DHRSX: variants seen among roughly 807,000 people sequenced by gnomAD.
DHRSX encodes the protein polyprenol dehydrogenase.
A neutral mutation model predicts 34.0 loss-of-function variants in DHRSX; 31 were observed. That is an observed-to-expected ratio of 0.91 (90% CI 0.69 to 1.23). DHRSX has a LOEUF of 1.23. Ranked by LOEUF, DHRSX falls within the 50% of genes most tolerant of loss-of-function variation. The pLI, the probability that DHRSX is intolerant of heterozygous loss-of-function variation, is 0.00. For missense variants in DHRSX, 414 were observed against 428.1 expected (o/e 0.97, Z 0.29); for synonymous variants, 201 against 183.8 (o/e 1.09, Z -0.76).
intron 3 of DHRSX, among the ~76,000 whole-genome samples, chrX:2,373,873 T>C (rs1198910748): frequency 2.0e-5 from 3 of 151,766 alleles, no homozygotes; most frequent in Non-Finnish European, 2.9e-5. Flanking sequence ...AGGAGGAGGG[T>C]TATCCAAAAT....
intron 2 of DHRSX, among the ~76,000 whole-genome samples, chrX:2,417,366 A>G (rs1019043385): frequency 6.6e-6 from 1 of 152,168 alleles, no homozygotes; most frequent in African/African-American, 2.4e-5. Flanking sequence ...ACCAAACCAC[A>G]CATCATCATG....
intron 6 of DHRSX, among the ~76,000 whole-genome samples, chrX:2,230,544 A>G (rs998395783): frequency 3.3e-5 from 5 of 152,188 alleles, no homozygotes; most frequent in African/African-American, 9.7e-5. Context: ...GTGCCCAGAC[A>G]TTTGGTCAAG....
intron 3 of DHRSX, among the ~76,000 whole-genome samples, chrX:2,332,237 G>A (rs1172680034): frequency 3.3e-5 from 5 of 152,102 alleles, no homozygotes; most frequent in South Asian, 2.1e-4. Context: ...CTGAAAGGTC[G>A]GGGAGAAAAC....
At chrX:2,346,202 A>G (rs1450995880) in intron 3 of DHRSX, among the ~76,000 whole-genome samples, 1 of 151,770 alleles carries the variant, frequency 6.6e-6, no homozygotes, top group Non-Finnish European at 1.5e-5. Context: ...AAAACCAGGC[A>G]TCTCACTCCA....
intron 1 of DHRSX, among the ~76,000 whole-genome samples, chrX:2,460,572 C>T (rs1322227446): frequency 7.7e-6 from 1 of 129,726 alleles, no homozygotes; most frequent in Non-Finnish European, 1.6e-5. Flanking sequence ...ACGTGTGCCA[C>T]CACGTCTGGC....
intron 1 of DHRSX, among the ~76,000 whole-genome samples, chrX:2,459,283 A>G (rs371743101): frequency 6.6e-6 from 1 of 152,182 alleles, no homozygotes; most frequent in East Asian, 1.9e-4. Context: ...ACATATTCTC[A>G]TCACCAAAAA....
chrX:2,435,561 T>A (rs961944113), intron 1 of DHRSX, among the ~76,000 whole-genome samples: 2 of 151,624 alleles, frequency 1.3e-5, no homozygotes, highest in African/African-American at 4.8e-5. Flanking sequence ...GCCAGGAGTT[T>A]GAGATCAGCT....
At chrX:2,473,756 C>T (rs1181805295) in intron 1 of DHRSX, among the ~76,000 whole-genome samples, 1 of 139,948 alleles carries the variant, frequency 7.1e-6, no homozygotes, top group Non-Finnish European at 1.5e-5. Context: ...CAAGTCTACA[C>T]GAATATAGAG....
chrX:2,272,354 C>T (rs1307861962), intron 4 of DHRSX, among the ~76,000 whole-genome samples: 4 of 152,116 alleles, frequency 2.6e-5, no homozygotes, highest in Non-Finnish European at 1.5e-5. Flanking sequence ...GAACACCTGG[C>T]TTATGCATGC....
At chrX:2,346,283 C>G (rs2042710501) in intron 3 of DHRSX, among the ~76,000 whole-genome samples, 1 of 152,116 alleles carries the variant, frequency 6.6e-6, no homozygotes, top group African/African-American at 2.4e-5. Context: ...CTTCCCCTGA[C>G]TGTGAATCTC....
rs1178347741 is a variant in DHRSX, at chrX:2,459,579, T to TATATATAC, written c.110-34276_110-34275insGTATATAT. Among the ~76,000 whole-genome samples, 254 of 127,916 alleles carry TATATATAC rather than the reference T, an allele frequency of 2.0e-3. 2 individuals carry two copies. Among genetic ancestry groups the TATATATAC allele is most frequent in the Middle Eastern group, 8.6e-3 (2 of 232 alleles). 83.9% of individuals were successfully genotyped at this position (127,916 alleles called of 152,430 possible). On this transcript the variant is annotated intron_variant, in intron 1 of 6. Transcript: ENST00000334651. The stretch of plus-strand genomic sequence containing the variant: ...ATATATATATATATATATATATATA[T>TATATATAC]ACACACACATACAATATATATATAC...
intron 4 of DHRSX, among the ~76,000 whole-genome samples, chrX:2,290,765 T>C (rs1400656552): frequency 5.9e-5 from 9 of 152,234 alleles, no homozygotes; most frequent in Admixed American, 2.0e-4. Context: ...CCTTTAGTTC[T>C]ATGTATTTAC....
intron 1 of DHRSX, among the ~76,000 whole-genome samples, chrX:2,491,021 G>C (rs1008996508): frequency 6.6e-6 from 1 of 151,768 alleles, no homozygotes; most frequent in African/African-American, 2.4e-5. Context: ...AGGTTTGCGA[G>C]TGAGCACGGC....
intron 3 of DHRSX, among the ~76,000 whole-genome samples, chrX:2,332,581 CCT>C (rs1380648169): frequency 6.6e-6 from 1 of 152,180 alleles, no homozygotes; most frequent in Non-Finnish European, 1.5e-5. Flanking sequence ...CACCCAACTA[CCT>C]CTCTCTGGGG....
chrX:2,303,925 ATGGG>A (rs1193429048), intron 3 of DHRSX, among the ~76,000 whole-genome samples: 8 of 139,422 alleles, frequency 5.7e-5, no homozygotes, highest in Non-Finnish European at 1.2e-4. Context: ...GGATGGATGG[ATGGG>A]TGGGTGGGTG....
intron 1 of DHRSX, among the ~76,000 whole-genome samples, chrX:2,493,276 G>A (rs781605992): frequency 2.6e-5 from 4 of 152,260 alleles, no homozygotes; most frequent in African/African-American, 7.2e-5. Context: ...GGCCTCCTAA[G>A]TCCGACCTGA....
At chrX:2,344,200 T>TA (rs2042673803) in intron 3 of DHRSX, among the ~76,000 whole-genome samples, 1 of 152,142 alleles carries the variant, frequency 6.6e-6, no homozygotes, top group Non-Finnish European at 1.5e-5. Flanking sequence ...AAAGGAAGGA[T>TA]ACTTGAGCTA....
intron 3 of DHRSX, among the ~76,000 whole-genome samples, chrX:2,327,949 A>G (rs1038213370): frequency 6.6e-6 from 1 of 152,054 alleles, no homozygotes; most frequent in Non-Finnish European, 1.5e-5. Context: ...GCATGGTGGC[A>G]CGCACCTGTA....
intron 3 of DHRSX, among the ~76,000 whole-genome samples, chrX:2,406,031 C>A (rs2043550678): frequency 6.6e-6 from 1 of 152,090 alleles, no homozygotes; most frequent in African/African-American, 2.4e-5. Context: ...CAGTGGCTCA[C>A]GCCTGTAATC....
Sources: gnomAD v4.1 joint callset for allele counts (sites outside exome capture counted in the v4.1 genomes callset) on GRCh38, gnomAD v4.1.1 for gene constraint, MANE v1.5 for transcripts, NCBI Gene and HGNC (gene_info 2026-07-23, HGNC 2026-07-21) for gene names.